The following GNA12 variants were observed in gnomAD, a reference collection of about 807,000 sequenced individuals.
GNA12 encodes the protein guanine nucleotide-binding protein subunit alpha-12.
In GNA12, 9 loss-of-function variants were observed where a neutral mutation model predicts 26.0. That is an observed-to-expected ratio of 0.35 (90% CI 0.21 to 0.60). GNA12 has a LOEUF of 0.60. Among genes scored for constraint, GNA12 ranks in the 20% least tolerant of loss-of-function variants. GNA12 has a pLI of 0.78. For missense variants in GNA12, 405 were observed against 525.8 expected (o/e 0.77, Z 2.25); for synonymous variants, 264 against 219.6 (o/e 1.20, Z -1.79).
At chr7:2,795,325 A>G (rs1792631513) in intron 1 of GNA12, among the ~76,000 whole-genome samples, 182 bp from the exon 2 acceptor site, 1 of 152,202 alleles carries the variant, frequency 6.6e-6, no homozygotes. Flanking sequence ...TCTCAGCAGT[A>G]TAACCTCACC....
intron 1 of GNA12, among the ~76,000 whole-genome samples, chr7:2,828,191 C>A (rs962254312): frequency 1.3e-5 from 2 of 152,142 alleles, no homozygotes; most frequent in African/African-American, 4.8e-5. Flanking sequence ...AAAACACCTA[C>A]AATTCAAAAT....
At chr7:2,747,502 G>C (rs984796275) in intron 2 of GNA12, among the ~76,000 whole-genome samples, 3 of 152,084 alleles carry the variant, frequency 2.0e-5, no homozygotes, top group Non-Finnish European at 1.5e-5. Flanking sequence ...AACAAATTAG[G>C]TATTGATGGG....
chr7:2,832,746 G>A (rs1272467244), intron 1 of GNA12, among the ~76,000 whole-genome samples: 4 of 152,162 alleles, frequency 2.6e-5, no homozygotes, highest in Admixed American at 6.5e-5. Context: ...GAGAGGTGCC[G>A]TCTACTTGGT....
At chr7:2,754,957 A>T (rs536539602) in intron 2 of GNA12, among the ~76,000 whole-genome samples, 11 of 152,298 alleles carry the variant, frequency 7.2e-5, no homozygotes, top group Non-Finnish European at 1.5e-4. Flanking sequence ...GTTTGAATTA[A>T]TTTTGTATAA....
At chr7:2,785,824 A>G (rs1397990445) in intron 2 of GNA12, among the ~76,000 whole-genome samples, 2 of 152,222 alleles carry the variant, frequency 1.3e-5, no homozygotes, top group Non-Finnish European at 2.9e-5. Flanking sequence ...AGGTGGGTGG[A>G]TCACCTGAGT....
intron 2 of GNA12, among the ~76,000 whole-genome samples, chr7:2,735,151 T>TCTCTCCTGCCTCCTCCTG (rs1203607908): frequency 6.6e-6 from 1 of 152,116 alleles, no homozygotes; most frequent in Non-Finnish European, 1.5e-5. Flanking sequence ...TCAGCGCCTC[T>TCTCTCCTGCCTCCTCCTG]CTCTCCTGCC....
rs557746006 is a variant in GNA12, at chr7:2,823,504, G to A, written c.309+20349C>T. 9.8e-5 allele frequency among the ~76,000 whole-genome samples: 15 copies of A among 152,302 alleles called. No individual in the cohort carries two copies. The South Asian group carries it at 2.1e-3, about 21-fold the overall frequency. On this transcript the variant is annotated intron_variant, in intron 1 of 3. Coordinates refer to ENST00000275364, the MANE Select transcript of GNA12 (RefSeq NM_007353.3). ...AGACAATCATTCTTTGGTCTTTCAA[G>A]CATGCTAATAATAACCCTCTGCAGA...
intron 2 of GNA12, among the ~76,000 whole-genome samples, chr7:2,754,801 G>A (rs1016583911): frequency 1.3e-5 from 2 of 152,154 alleles, no homozygotes; most frequent in Non-Finnish European, 2.9e-5. Context: ...AAACAAAAAT[G>A]ACCGTTTCTC....
rs141829453 is a variant in GNA12 at position 2,741,877 on chromosome 7, C to T, written c.526-8376G>A. On this transcript the variant is annotated intron_variant, in intron 2 of 3. Coordinates refer to ENST00000275364, the MANE Select transcript of GNA12 (RefSeq NM_007353.3). ...TAGGATGACTGTCTCATAATTACCA[C>T]GTATTAGACACCGAGGTTTATCTAA... Among the ~76,000 whole-genome samples the T allele has an allele frequency of 7.0e-3, 1,057 of 150,492 alleles. 31 individuals carry two copies. Among genetic ancestry groups the T allele is most frequent in the Admixed American group, 0.057 (850 of 14,924 alleles).
At position 2,844,198 on chromosome 7, in the gene GNA12, G is replaced by A. The variant is rs1779098574; in HGVS notation, c.-37C>T. On this transcript the variant is annotated 5_prime_UTR_variant, in exon 1 of 4. Coordinates refer to ENST00000275364, the MANE Select transcript of GNA12 (RefSeq NM_007353.3). ...CCGCGGCCGCGCCCCGCCGGCGCCC[G>A]GGGGCCATGGACGCTCCCGCCGGCG... 11 of 953,388 alleles carry A rather than the reference G, an allele frequency of 1.2e-5. No homozygotes were observed. In the South Asian group the frequency reaches 1.9e-4, roughly 16 times the overall value. The allele number at this position is 953,388 out of a possible 1,614,324, so 59.1% of individuals were successfully genotyped here.
intron 2 of GNA12, among the ~76,000 whole-genome samples, chr7:2,784,561 C>A (rs901329096): frequency 2.0e-5 from 3 of 152,158 alleles, no homozygotes; most frequent in African/African-American, 7.2e-5. Flanking sequence ...TATGATAGTA[C>A]CTACTTCCTG....
chr7:2,751,262 T>C (rs2115361936), intron 2 of GNA12, among the ~76,000 whole-genome samples: 1 of 152,044 alleles, frequency 6.6e-6, no homozygotes, highest in South Asian at 2.1e-4. Context: ...GGCACATGCT[T>C]GTAGTCCCAG....
intron 2 of GNA12, among the ~76,000 whole-genome samples, chr7:2,745,954 C>T (rs1790743547): frequency 6.6e-6 from 1 of 151,892 alleles, no homozygotes; most frequent in Admixed American, 6.6e-5. Flanking sequence ...GCGATCAATT[C>T]AACAAGAAGA....
intron 1 of GNA12, among the ~76,000 whole-genome samples, chr7:2,822,934 C>T (rs1272946527): frequency 1.3e-5 from 2 of 152,288 alleles, no homozygotes; most frequent in East Asian, 1.9e-4. Flanking sequence ...AAAAGGTGCT[C>T]CCTAGATTCA....
intron 2 of GNA12, among the ~76,000 whole-genome samples, chr7:2,792,385 T>G (rs1354068145): frequency 2.0e-5 from 3 of 152,172 alleles, no homozygotes; most frequent in Non-Finnish European, 4.4e-5. Flanking sequence ...AGGGCTTGAC[T>G]TCCTAAATTG....
intron 1 of GNA12, among the ~76,000 whole-genome samples, chr7:2,827,625 G>A (rs1583312892): frequency 6.6e-6 from 1 of 152,118 alleles, no homozygotes. Flanking sequence ...CAGTGCAGAG[G>A]ACAGAACAGG....
At chr7:2,790,974 TAAA>T (rs543331692) in intron 2 of GNA12, among the ~76,000 whole-genome samples, 1 of 131,006 alleles carries the variant, frequency 7.6e-6, no homozygotes. Context: ...ATTGTCCCTT[TAAA>T]AAAAAAAAAA....
intron 2 of GNA12, among the ~76,000 whole-genome samples, chr7:2,771,080 T>C (rs774356508): frequency 8.5e-5 from 13 of 152,066 alleles, no homozygotes; most frequent in Non-Finnish European, 1.6e-4. Context: ...CACTTGAAGT[T>C]AGGAGTTCAA....
chr7:2,792,412 A>G (rs1792543305), intron 2 of GNA12, among the ~76,000 whole-genome samples: 1 of 152,212 alleles, frequency 6.6e-6, no homozygotes, highest in South Asian at 2.1e-4. Flanking sequence ...CCCTTCCAGC[A>G]CTGACACCCT....
Sources: gnomAD v4.1 joint callset for allele counts (sites outside exome capture counted in the v4.1 genomes callset) on GRCh38, gnomAD v4.1.1 for gene constraint, MANE v1.5 for transcripts, NCBI Gene and HGNC (gene_info 2026-07-23, HGNC 2026-07-21) for gene names.